The following EPAS1 variants were observed in gnomAD, a reference collection of about 807,000 sequenced individuals.
EPAS1 encodes endothelial PAS domain-containing protein 1.
In EPAS1, 23 loss-of-function variants were observed where a neutral mutation model predicts 87.9. The observed-to-expected ratio is 0.26, with a 90% CI of 0.19 to 0.37. The LOEUF is 0.37. Ranked by LOEUF, EPAS1 falls within the 10% of genes least tolerant of loss-of-function variation. The pLI, the probability that EPAS1 is intolerant of heterozygous loss-of-function variation, is 1.00. For synonymous variants in EPAS1, 508 were observed against 444.3 expected (o/e 1.14, Z -1.80); for missense variants, 1,138 against 1,120.7 (o/e 1.02, Z -0.22).
chr2:46,345,496 A>T (rs1210912221), intron 1 of EPAS1, among the ~76,000 whole-genome samples: 67 of 152,156 alleles, frequency 4.4e-4, no homozygotes, highest in Admixed American at 4.4e-3. Flanking sequence ...TTCCCAGTGC[A>T]AAGCCCGACT....
chr2:46,361,207 A>G (rs1684380306), intron 6 of EPAS1, 117 bp downstream of exon 6: 2 of 1,139,074 alleles, frequency 1.8e-6, no homozygotes, highest in African/African-American at 1.5e-5. Context: ...TGCCGGGTGC[A>G]TGTTCGTGGA....
rs976144139 is a variant in EPAS1 at position 46,371,565 on chromosome 2, C to T, written c.886+1632C>T. 6.6e-6 allele frequency among the ~76,000 whole-genome samples: 1 copy of T among 152,164 alleles called. No homozygotes were observed. Among genetic ancestry groups the T allele is most frequent in the African/African-American group, 2.4e-5 (1 of 41,424 alleles). ...TAGGAGTGGAGGTACTCTTTTATGC[C>T]TGTGAATGTGACCCCACCTTAGCCT... On this transcript the variant is annotated intron_variant, in intron 7 of 15. Coordinates refer to ENST00000263734, the MANE Select transcript of EPAS1 (RefSeq NM_001430.5). The surrounding 1 kb of genome is among the most constrained non-coding windows in gnomAD (Gnocchi z 4.3).
At position 46,377,885 on chromosome 2, in the gene EPAS1, T is replaced by G. The variant is rs1344352535; in HGVS notation, c.1250-9T>G. 1 of 1,551,852 alleles carries G rather than the reference T, an allele frequency of 6.4e-7. No individual in the cohort carries two copies. The highest frequency in any genetic ancestry group is 1.4e-5 in the African/African-American group (1 of 73,068). Reference sequence around the variant, plus strand: ...TGGGTGTTCACCTCCCAGGCCCTTGTCTCCACAGGGAATCAGAACTTCGAG... The same window carrying G: ...TGGGTGTTCACCTCCCAGGCCCTTGGCTCCACAGGGAATCAGAACTTCGAG... On this transcript the variant is annotated splice_polypyrimidine_tract_variant and intron_variant, in intron 9 of 15. Coordinates refer to ENST00000263734, the MANE Select transcript of EPAS1 (RefSeq NM_001430.5).
chr2:46,360,651 G>A lies in EPAS1; in HGVS notation c.468G>A (p.Gly156=), dbSNP rs1459082512. 2 of 1,613,754 alleles carry A rather than the reference G, an allele frequency of 1.2e-6. No homozygotes were observed. The highest frequency in any genetic ancestry group is 2.7e-5 in the African/African-American group (2 of 74,900). ...TTCCACATCCAGGCTCTGGTTTTGG[G>A]AAAAAAAGCAAAGACATGTCCACAG... is the stretch of plus-strand genomic sequence containing the variant. The part of the protein sequence containing the change: ...NLSLKNGSGF[G]KKSKDMSTER... The change falls in exon 5 of 16, where the codon GGG becomes GGA. Residue 156 remains glycine (G), a synonymous_variant. Transcript: ENST00000263734. The surrounding 1 kb of genome is among the most constrained non-coding windows in gnomAD (Gnocchi z 4.5).
rs1684965266 is a variant in EPAS1, at chr2:46,384,453, A to G, written c.2462-56A>G. 15 of 1,612,762 alleles carry G rather than the reference A, an allele frequency of 9.3e-6. No homozygotes were observed. The South Asian group carries it at 1.3e-4, about 14-fold the overall frequency. The stretch of plus-strand genomic sequence containing the variant: ...ATCCCCCAGTCACAAAGAAGTAGAC[A>G]CTTTTCCAAATGTTCGATTTAGGCC... On this transcript the variant is annotated intron_variant, in intron 15 of 15. Coordinates refer to ENST00000263734, the MANE Select transcript of EPAS1 (RefSeq NM_001430.5).
intron 15 of EPAS1, 62 bp downstream of exon 15, chr2:46,382,660 C>G: frequency 6.2e-7 from 1 of 1,601,480 alleles, no homozygotes; most frequent in Non-Finnish European, 8.5e-7. Flanking sequence ...AAGCCCACGT[C>G]TACTTTTTTT....
At chr2:46,329,753 C>T (rs369832390) in intron 1 of EPAS1, among the ~76,000 whole-genome samples, 23 of 150,754 alleles carry the variant, frequency 1.5e-4, no homozygotes, top group African/African-American at 4.9e-4. Flanking sequence ...ACCCGGGAGG[C>T]GGAAGTTGCA....
At chr2:46,361,828 G>C (rs1684394832) in intron 6 of EPAS1, among the ~76,000 whole-genome samples, 1 of 152,212 alleles carries the variant, frequency 6.6e-6, no homozygotes, top group African/African-American at 2.4e-5. Context: ...GATTGAAGCA[G>C]GTGGGGAAGA....
chr2:46,376,984 G>C (rs1039100565), intron 9 of EPAS1, among the ~76,000 whole-genome samples: 1 of 152,198 alleles, frequency 6.6e-6, no homozygotes, highest in Admixed American at 6.5e-5. Flanking sequence ...TGCTGTACGA[G>C]GAGGGGTTAA....
chr2:46,317,472 A>C (rs537364102), intron 1 of EPAS1, among the ~76,000 whole-genome samples: 3 of 152,218 alleles, frequency 2.0e-5, no homozygotes, highest in African/African-American at 7.2e-5. Context: ...TGCATTGACA[A>C]CGAGCACATA....
chr2:46,366,004 A>G (rs756988669), intron 6 of EPAS1, among the ~76,000 whole-genome samples: 1 of 152,118 alleles, frequency 6.6e-6, no homozygotes, highest in Non-Finnish European at 1.5e-5. Context: ...CTCTCTCACC[A>G]TCTTGCTTAC....
chr2:46,306,006 C>G (rs1047301497), intron 1 of EPAS1, among the ~76,000 whole-genome samples: 4 of 152,196 alleles, frequency 2.6e-5, no homozygotes, highest in Non-Finnish European at 5.9e-5. Context: ...TGCCCTGATG[C>G]TGGCCTGTGA....
Position 46,375,974 on chromosome 2 carries a change from C to A in EPAS1, c.1034+137C>A. ...ACCACCTCAGGGAGGTCTTGCAGGG[C>A]TAACCCTAGTGACTGAGAGGACTTC... is the stretch of plus-strand genomic sequence containing the variant. On this transcript the variant is annotated intron_variant, in intron 8 of 15. Coordinates refer to ENST00000263734, the MANE Select transcript of EPAS1 (RefSeq NM_001430.5). The surrounding 1 kb of genome is among the most constrained non-coding windows in gnomAD (Gnocchi z 4.1). 5 of 1,175,540 alleles carry A rather than the reference C, an allele frequency of 4.3e-6. No individual in the cohort carries two copies. The South Asian group carries it at 5.0e-5, about 12-fold the overall frequency. 72.8% of individuals were successfully genotyped at this position (1,175,540 alleles called of 1,614,324 possible).
intron 6 of EPAS1, among the ~76,000 whole-genome samples, chr2:46,366,898 G>A (rs1260462540): frequency 3.3e-5 from 5 of 152,226 alleles, no homozygotes; most frequent in Non-Finnish European, 7.3e-5. Context: ...TGGCGTCTAC[G>A]TGCCTGCACG....
At chr2:46,357,470 C>A (rs1241876653) in intron 4 of EPAS1, among the ~76,000 whole-genome samples, 3 of 152,304 alleles carry the variant, frequency 2.0e-5, no homozygotes, top group South Asian at 4.1e-4. Context: ...AGCCAGACAT[C>A]TTACGTGGCA....
chr2:46,350,821 G>A (rs1313409818), intron 2 of EPAS1, among the ~76,000 whole-genome samples: 1 of 152,246 alleles, frequency 6.6e-6, no homozygotes, highest in Non-Finnish European at 1.5e-5. Context: ...TTTCTAAAGA[G>A]AAGTGTCAGT....
rs1435072079 is a variant in EPAS1 at position 46,385,058 on chromosome 2, TTCC to T, written c.*401_*403del. The T allele has an allele frequency of 4.9e-6, 1 of 204,912 alleles. No homozygotes were observed. The highest frequency in any genetic ancestry group is 1.0e-5 in the Non-Finnish European group (1 of 98,486). The allele number at this position is 204,912 out of a possible 1,614,324, so 12.7% of individuals were successfully genotyped here. On this transcript the variant is annotated 3_prime_UTR_variant, in exon 16 of 16. Transcript: ENST00000263734. The stretch of plus-strand genomic sequence containing the variant: ...CTTTAGCTTCATTTTACTAAAAAGA[TTCC>T]TCGTTATTGTTGTTGCCAAAGAGAA...
chr2:46,344,452 A>G (rs1683977187), intron 1 of EPAS1, among the ~76,000 whole-genome samples: 3 of 152,222 alleles, frequency 2.0e-5, no homozygotes, highest in African/African-American at 7.2e-5. Flanking sequence ...AGGGTTAGTA[A>G]TGAAATCCAG....
intron 6 of EPAS1, among the ~76,000 whole-genome samples, chr2:46,363,309 C>T (rs1179937767): frequency 1.3e-5 from 2 of 152,046 alleles, no homozygotes; most frequent in African/African-American, 4.8e-5. Context: ...CGTGCTTCAC[C>T]CTGGTGAATG....
Sources: gnomAD v4.1 joint callset for allele counts (sites outside exome capture counted in the v4.1 genomes callset) on GRCh38, gnomAD v4.1.1 for gene constraint, Gnocchi (gnomAD v3.1) non-coding constraint, MANE v1.5 for transcripts, NCBI Gene and HGNC (gene_info 2026-07-23, HGNC 2026-07-21) for gene names.